The following TTC7A variants were observed in gnomAD, a reference collection of about 807,000 sequenced individuals.
TTC7A encodes the protein tetratricopeptide repeat protein 7A.
A neutral mutation model predicts 103.7 loss-of-function variants in TTC7A; 110 were observed. The observed-to-expected ratio is 1.06, with a 90% CI of 0.91 to 1.24. The LOEUF (loss-of-function observed/expected upper bound fraction) is 1.24, where lower values mean the gene tolerates loss of function less well. TTC7A is among the 50% of genes most tolerant of loss of function. The pLI is 0.00. For missense variants in TTC7A, 1,340 were observed against 1,116.3 expected (o/e 1.20, Z -2.86); for synonymous variants, 521 against 467.9 (o/e 1.11, Z -1.47).
At chr2:47,054,342 A>G (rs1280089380) in intron 18 of TTC7A, 5 of 208,432 alleles carry the variant, frequency 2.4e-5, no homozygotes, top group Non-Finnish European at 1.7e-5. Flanking sequence ...GTGGTCCAGG[A>G]TGGCTCTCTG....
intron 3 of TTC7A, chr2:46,974,638 A>G: frequency 2.2e-6 from 1 of 462,494 alleles, no homozygotes. Flanking sequence ...GAAAGAGGAA[A>G]GAAAAAAATA....
intron 11 of TTC7A, among the ~76,000 whole-genome samples, chr2:47,021,503 C>T (rs1351629452): frequency 6.6e-6 from 1 of 152,228 alleles, no homozygotes; most frequent in Non-Finnish European, 1.5e-5. Context: ...CTGCCTGCTC[C>T]ATGGGGCTGA....
At chr2:46,928,843 A>AG (rs1464928456) in intron 2 of TTC7A, among the ~76,000 whole-genome samples, 1 of 144,882 alleles carries the variant, frequency 6.9e-6, no homozygotes, top group African/African-American at 2.4e-5. Context: ...CCAGAGGGGT[A>AG]GGGGGGGAAG....
At chr2:46,948,041 C>G (rs1011818982) in intron 1 of TTC7A, among the ~76,000 whole-genome samples, 2 of 152,220 alleles carry the variant, frequency 1.3e-5, no homozygotes, top group African/African-American at 4.8e-5. Flanking sequence ...CTCAACCAAG[C>G]GAGGAGCTCT....
At chr2:46,959,645 T>C (rs1311642028) in intron 3 of TTC7A, among the ~76,000 whole-genome samples, 2 of 152,096 alleles carry the variant, frequency 1.3e-5, no homozygotes, top group East Asian at 1.9e-4. Flanking sequence ...TCACCCTCTT[T>C]CCCCATCAGA....
chr2:47,046,055 G>T (rs1266734594), intron 15 of TTC7A, among the ~76,000 whole-genome samples: 1 of 152,232 alleles, frequency 6.6e-6, no homozygotes, highest in Non-Finnish European at 1.5e-5. Flanking sequence ...ACATGGTCAG[G>T]GGACACGGGG....
At chr2:46,935,702 C>A (rs1669944304) in intron 2 of TTC7A, among the ~76,000 whole-genome samples, 1 of 152,182 alleles carries the variant, frequency 6.6e-6, no homozygotes, top group Non-Finnish European at 1.5e-5. Flanking sequence ...ACAGGGTGAT[C>A]CTCTGAGGCT....
At chr2:46,992,889 T>G (rs1380283625) in intron 5 of TTC7A, among the ~76,000 whole-genome samples, 1 of 152,226 alleles carries the variant, frequency 6.6e-6, no homozygotes, top group Non-Finnish European at 1.5e-5. Flanking sequence ...TGGGTTGCCA[T>G]GTAAGATGTA....
In TTC7A at chr2:47,023,313, T is replaced by C. The variant is rs1679495811; in HGVS notation, c.1511-95T>C. On this transcript the variant is annotated intron_variant, in intron 12 of 19. Transcript: ENST00000319190. ...CCAGATGGGACCCTGGTGGGGCCTT[T>C]ATCTGCAGAGCTGTGTGCTTTGAGG... is the stretch of plus-strand genomic sequence containing the variant. 4 of 1,358,214 alleles carry C rather than the reference T, an allele frequency of 2.9e-6. No individual in the cohort carries two copies. In the Admixed American group the frequency reaches 5.5e-5, roughly 19 times the overall value. The allele number at this position is 1,358,214 out of a possible 1,614,324, so 84.1% of individuals were successfully genotyped here.
rs373538285 is a variant in TTC7A, at chr2:46,993,511, A to T, written c.826A>T (p.Thr276Ser). The T allele has an allele frequency of 2.3e-5, 37 of 1,613,956 alleles. No individual in the cohort carries two copies. In the African/African-American group the frequency reaches 4.7e-4, roughly 20 times the overall value. The change falls in exon 6 of 20, where the codon ACT becomes TCT. Residue 276 changes from threonine to serine, a missense_variant. By Grantham distance (58) the Thr-to-Ser change is moderately conservative. Transcript: ENST00000319190. ...EVLRTVETKATQNFKVMAAKH... is the reference protein window; with the variant it reads ...EVLRTVETKASQNFKVMAAKH... ...GCTGCGGACTGTGGAGACCAAAGCA[A>T]CTCAGAACTTCAAAGTGGTAATGTG...
chr2:47,010,568 G>T (rs569347862), intron 10 of TTC7A, among the ~76,000 whole-genome samples: 12 of 152,172 alleles, frequency 7.9e-5, no homozygotes, highest in African/African-American at 2.2e-4. Flanking sequence ...AGCCTGGGGG[G>T]ATCCTCAGAT....
Position 46,944,688 on chromosome 2 carries a change from C to T in TTC7A, c.184+2963C>T, listed in dbSNP as rs369500685. Among the ~76,000 whole-genome samples, 223 of 152,270 alleles carry T rather than the reference C, an allele frequency of 1.5e-3. 6 individuals are homozygous for T. The South Asian group carries it at 0.031, about 21-fold the overall frequency. On this transcript the variant is annotated intron_variant, in intron 1 of 19. Coordinates refer to ENST00000319190, the MANE Select transcript of TTC7A (RefSeq NM_020458.4). ...GCCCAGGCAACATACCTCAGGCACA[C>T]GTCAGCAAACCCAGCTAATTTTCAA...
In TTC7A at chr2:46,982,916, A is replaced by G. The variant is rs550142429; in HGVS notation, c.764+4009A>G. ...CAGGAGATCGAGGCTGCAGTGAGCC[A>G]TGATCCCACCACTGCACTCCAGCCT... is the stretch of plus-strand genomic sequence containing the variant. On this transcript the variant is annotated intron_variant, in intron 5 of 19. Coordinates refer to ENST00000319190, the MANE Select transcript of TTC7A (RefSeq NM_020458.4). Among the ~76,000 whole-genome samples the G allele has an allele frequency of 1.5e-4, 23 of 152,218 alleles. No individual in the cohort carries two copies. The East Asian group carries it at 3.9e-3, about 26-fold the overall frequency.
intron 2 of TTC7A, among the ~76,000 whole-genome samples, chr2:46,930,896 G>C (rs1669667033): frequency 6.6e-6 from 1 of 151,910 alleles, no homozygotes. Context: ...GAACTCTTTG[G>C]AGAAAAGAAA....
chr2:47,030,462 G>A (rs1321248183), intron 15 of TTC7A, among the ~76,000 whole-genome samples: 1 of 152,180 alleles, frequency 6.6e-6, no homozygotes, highest in African/African-American at 2.4e-5. Flanking sequence ...ACATAGTTCT[G>A]CTTGTGGCCT....
rs77012086 is a variant in TTC7A at position 47,055,535 on chromosome 2, G to C, written c.2152+3655G>C. Among the ~76,000 whole-genome samples the C allele has an allele frequency of 0.015, 2,243 of 152,252 alleles. 250 individuals are homozygous for C. In the East Asian group the frequency reaches 0.29, roughly 20 times the overall value. On this transcript the variant is annotated intron_variant, in intron 18 of 19. Coordinates refer to ENST00000319190, the MANE Select transcript of TTC7A (RefSeq NM_020458.4). The stretch of plus-strand genomic sequence containing the variant: ...CTCCAGGATCTGAGTGTTGAGAGAG[G>C]TGCTTTCCCTAAAAGCAAGAACTAC...
intron 18 of TTC7A, among the ~76,000 whole-genome samples, chr2:47,058,435 C>G (rs1683497359): frequency 6.6e-6 from 1 of 152,246 alleles, no homozygotes; most frequent in Non-Finnish European, 1.5e-5. Flanking sequence ...AGTTAGGCCT[C>G]TCCTGCTGCC....
At chr2:47,027,590 G>A (rs528737794) in intron 14 of TTC7A, among the ~76,000 whole-genome samples, 1 of 152,268 alleles carries the variant, frequency 6.6e-6, no homozygotes, top group Non-Finnish European at 1.5e-5. Context: ...ACAAAGGTGA[G>A]TGAGCGGCAG....
intron 16 of TTC7A, among the ~76,000 whole-genome samples, chr2:47,048,263 G>A (rs896026730): frequency 1.3e-5 from 2 of 152,170 alleles, no homozygotes; most frequent in Admixed American, 6.5e-5. Context: ...GGGCTGTAAG[G>A]TTCTTCAAGG....
Sources: allele counts gnomAD v4.1 joint callset (sites outside exome capture counted in the v4.1 genomes callset), GRCh38; gene constraint gnomAD v4.1.1; transcripts MANE v1.5; gene names NCBI Gene and HGNC (gene_info 2026-07-23, HGNC 2026-07-21).